Variants in EFCAB8 observed in about 807,000 individuals in gnomAD.
EFCAB8 encodes EF-hand calcium-binding domain-containing protein 8.
A neutral mutation model predicts 116.3 loss-of-function variants in EFCAB8; 100 were observed. The observed-to-expected ratio is 0.86, with a 90% CI of 0.73 to 1.02. The LOEUF (loss-of-function observed/expected upper bound fraction) is 1.02. Among genes scored for constraint, EFCAB8 ranks in the 50% least tolerant of loss-of-function variants. The probability of loss-of-function intolerance (pLI) is 0.00; values close to 1 mark genes in which losing one functional copy is unlikely to be tolerated. For missense variants in EFCAB8, 1,320 were observed against 1,416.9 expected, an observed-to-expected ratio of 0.93 and a Z score of 1.10; for synonymous variants, 558 against 567.9, an observed-to-expected ratio of 0.98 and a Z score of 0.25.
At chr20:32,901,002 G>A (rs961443735) in intron 11 of EFCAB8, among the ~76,000 whole-genome samples, 5 of 152,152 alleles carry the variant, frequency 3.3e-5, no homozygotes, top group Admixed American at 2.6e-4. Flanking sequence ...GCGCCCGGCC[G>A]TCCAGTGCCT....
At chr20:32,861,713 A>G (rs1291976866) in intron 1 of EFCAB8, among the ~76,000 whole-genome samples, 2 of 152,204 alleles carry the variant, frequency 1.3e-5, no homozygotes, top group Non-Finnish European at 2.9e-5. Flanking sequence ...AGCCTGGGCA[A>G]CATTGCAAGA....
chr20:32,927,907 T>A (rs1359442313), intron 20 of EFCAB8, among the ~76,000 whole-genome samples: 1 of 152,174 alleles, frequency 6.6e-6, no homozygotes, highest in Non-Finnish European at 1.5e-5. Flanking sequence ...TGGTAGTAAA[T>A]ATATTCATAA....
intron 2 of EFCAB8, among the ~76,000 whole-genome samples, chr20:32,866,078 A>T (rs535426624): frequency 4.2e-4 from 64 of 152,058 alleles, no homozygotes; most frequent in Non-Finnish European, 8.1e-4. Flanking sequence ...GTGTAGTGAG[A>T]GCCTTCACGT....
chr20:32,881,449 G>A (rs749087957), intron 5 of EFCAB8, among the ~76,000 whole-genome samples: 6 of 152,216 alleles, frequency 3.9e-5, no homozygotes, highest in South Asian at 2.1e-4. Flanking sequence ...CATCCACTTC[G>A]GCCTCCCAAA....
intron 10 of EFCAB8, 132 bp from the exon 11 acceptor site, chr20:32,898,361 T>G: frequency 1.7e-6 from 1 of 591,174 alleles, no homozygotes. Context: ...CACTTTGTGA[T>G]CACTAGGAGA....
intron 5 of EFCAB8, among the ~76,000 whole-genome samples, chr20:32,880,561 G>C (rs1985276765): frequency 6.6e-6 from 1 of 152,118 alleles, no homozygotes; most frequent in Admixed American, 6.6e-5. Context: ...GTGAGCCACT[G>C]TACCCGGCAA....
At chr20:32,898,784 CCT>C (rs1986288242) in intron 11 of EFCAB8, among the ~76,000 whole-genome samples, 161 bp downstream of exon 11, 1 of 152,026 alleles carries the variant, frequency 6.6e-6, no homozygotes, top group Non-Finnish European at 1.5e-5. Context: ...AACACAGCAG[CCT>C]CTTTTATCTC....
At chr20:32,911,228 C>G (rs190306860) in intron 15 of EFCAB8, among the ~76,000 whole-genome samples, 118 of 152,286 alleles carry the variant, frequency 7.7e-4, no homozygotes, top group Non-Finnish European at 1.5e-3. Context: ...TTTTCTTTGG[C>G]TAGATCCTGA....
chr20:32,927,431 G>A (rs535839298), intron 20 of EFCAB8, among the ~76,000 whole-genome samples: 5 of 152,040 alleles, frequency 3.3e-5, no homozygotes, highest in African/African-American at 4.8e-5. Flanking sequence ...TGCAACCTCC[G>A]CCTCCCAAGT....
chr20:32,859,175 G>A (rs190161958), intron 1 of EFCAB8, among the ~76,000 whole-genome samples, 169 bp downstream of exon 1: 54 of 152,190 alleles, frequency 3.5e-4, no homozygotes, highest in South Asian at 1.5e-3. Context: ...CAAACCACTC[G>A]TTCCCCTCTC....
Position 32,920,154 on chromosome 20 carries a change from A to G in EFCAB8, c.2351A>G (p.Glu784Gly), listed in dbSNP as rs1025652451. The change falls in exon 20 of 27, where the codon GAA becomes GGA. Residue 784 changes from glutamate to glycine, a missense_variant. Physicochemically the swap from Glu to Gly is moderately conservative, Grantham distance 98. Coordinates refer to ENST00000400522, the MANE Select transcript of EFCAB8 (RefSeq NM_001143967.2). ...HSKQSIYKED[E>G]TRKGEWQKNM... ...AAACAGTCCATTTACAAAGAGGATG[A>G]AACGAGAAAAGGAGAATGGCAGAAG... is the stretch of plus-strand genomic sequence containing the variant. 5.2e-6 allele frequency: 8 copies of G among 1,551,762 alleles called. No homozygotes were observed. In the Admixed American group the frequency reaches 1.4e-4, roughly 27 times the overall value.
At chr20:32,877,852 A>G (rs551423829) in intron 4 of EFCAB8, among the ~76,000 whole-genome samples, 5 of 152,262 alleles carry the variant, frequency 3.3e-5, no homozygotes, top group Admixed American at 3.3e-4. Context: ...AGAGTGAATA[A>G]AGAGCTCCCA....
In EFCAB8 at chr20:32,892,194, C is replaced by G. The variant is rs1026776318; in HGVS notation, c.674-19C>G. ...AGGCATGGCTGTGGGCTCTATGTGGCCTTCTGTCTTTCCCCCAGATTTCTT... is the reference window on the plus strand; with the variant it reads ...AGGCATGGCTGTGGGCTCTATGTGGGCTTCTGTCTTTCCCCCAGATTTCTT... On this transcript the variant is annotated intron_variant, in intron 7 of 26. Transcript: ENST00000400522. 6.5e-7 allele frequency: 1 copy of G among 1,549,660 alleles called. No homozygotes were observed.
Position 32,906,988 on chromosome 20 carries a change from G to A in EFCAB8, c.1302G>A (p.Lys434=). The change falls in exon 13 of 27, where the codon AAG becomes AAA. Residue 434 remains lysine (K), a synonymous_variant. Coordinates refer to ENST00000400522, the MANE Select transcript of EFCAB8 (RefSeq NM_001143967.2). ...RNNSILISVS[K]DKNIRVWDML... ...ACAGCATCCTCATCAGTGTCTCCAA[G>A]GACAAGGTCCGCCCCGACGGTCCGC... The A allele has an allele frequency of 1.3e-6, 2 of 1,516,568 alleles. No individual in the cohort carries two copies. The highest frequency in any genetic ancestry group is 1.8e-6 in the Non-Finnish European group (2 of 1,128,082). 93.9% of individuals were successfully genotyped at this position (1,516,568 alleles called of 1,614,324 possible).
In EFCAB8 at chr20:32,911,716, T is replaced by C; in HGVS notation, c.1785+9T>C. 1 of 1,551,542 alleles carries C rather than the reference T, an allele frequency of 6.4e-7. No homozygotes were observed. The highest frequency in any genetic ancestry group is 8.7e-7 in the Non-Finnish European group (1 of 1,146,856). ...GTCCGGAACAGCTGGAGGTCAGTCTTGCTTGTCAATTACAGCCAGGGACGG... is the reference window on the plus strand; with the variant it reads ...GTCCGGAACAGCTGGAGGTCAGTCTCGCTTGTCAATTACAGCCAGGGACGG... On this transcript the variant is annotated intron_variant, in intron 16 of 26. Transcript: ENST00000400522.
In EFCAB8 at chr20:32,898,541, A is replaced by G. The variant is rs1400294290; in HGVS notation, c.1006A>G (p.Asn336Asp). 7 of 718,442 alleles carry G rather than the reference A, an allele frequency of 9.7e-6. No homozygotes were observed. The highest frequency in any genetic ancestry group is 1.8e-5 in the Non-Finnish European group (7 of 385,106). The allele number at this position is 718,442 out of a possible 1,614,324, so 44.5% of individuals were successfully genotyped here. ...CEQVKFIPQM[N>D]VVVSCSAIEK... ...GCAGGTCAAGTTCATCCCCCAGATG[A>G]ATGTGGTAGTCTCCTGTTCAGCCAT... The change falls in exon 11 of 27, where the codon AAT becomes GAT. Residue 336 changes from asparagine to aspartate, a missense_variant. Physicochemically the swap from Asn to Asp is conservative, Grantham distance 23 (BLOSUM62 1). Transcript: ENST00000400522.
chr20:32,925,030 C>A (rs1477571837), intron 20 of EFCAB8, among the ~76,000 whole-genome samples: 1 of 151,986 alleles, frequency 6.6e-6, no homozygotes, highest in Non-Finnish European at 1.5e-5. Context: ...GGAAGAGAGG[C>A]TTGGGTGGGC....
chr20:32,875,024 C>T (rs1324610097), intron 3 of EFCAB8, among the ~76,000 whole-genome samples: 1 of 152,242 alleles, frequency 6.6e-6, no homozygotes, highest in Non-Finnish European at 1.5e-5. Context: ...GCTGGGATTA[C>T]AGGCGTGAGC....
intron 20 of EFCAB8, among the ~76,000 whole-genome samples, chr20:32,925,351 C>T (rs1987628673): frequency 6.6e-6 from 1 of 152,104 alleles, no homozygotes; most frequent in African/African-American, 2.4e-5. Flanking sequence ...TCCTGAGTAG[C>T]TGGGATTACA....
Sources: gnomAD v4.1 joint callset for allele counts (sites outside exome capture counted in the v4.1 genomes callset) on GRCh38, gnomAD v4.1.1 for gene constraint, MANE v1.5 for transcripts, NCBI Gene and HGNC (gene_info 2026-07-23, HGNC 2026-07-21) for gene names.